The following RORA variants were observed in gnomAD, a reference collection of about 807,000 sequenced individuals.
The protein encoded by RORA is RAR related orphan receptor A, also known as nuclear receptor ROR-alpha.
Under a neutral mutation model 69.5 loss-of-function variants are expected in RORA, and 7 were observed. That is an observed-to-expected ratio of 0.10 (90% CI 0.06 to 0.19). The LOEUF (loss-of-function observed/expected upper bound fraction) is 0.19, where lower values mean the gene tolerates loss of function less well. Among genes scored for constraint, RORA ranks in the 10% least tolerant of loss-of-function variants. The pLI, the probability that RORA is intolerant of heterozygous loss-of-function variation, is 1.00. For missense variants in RORA, 457 were observed against 663.0 expected (o/e 0.69, Z 3.41); for synonymous variants, 261 against 240.8 (o/e 1.08, Z -0.78).
chr15:60,821,244 C>A (rs2072889412), intron 1 of RORA, among the ~76,000 whole-genome samples: 2 of 152,130 alleles, frequency 1.3e-5, no homozygotes, highest in African/African-American at 2.4e-5. Flanking sequence ...TTAGCCAACT[C>A]CCCCTTGCCA....
intron 1 of RORA, among the ~76,000 whole-genome samples, chr15:60,855,420 C>T (rs1421027885): frequency 1.3e-5 from 2 of 152,146 alleles, no homozygotes; most frequent in African/African-American, 2.4e-5. Flanking sequence ...GGAGACAAGA[C>T]CAGAGCAGTA....
chr15:60,924,521 G>C (rs1259558326), intron 1 of RORA, among the ~76,000 whole-genome samples: 1 of 151,296 alleles, frequency 6.6e-6, no homozygotes, highest in African/African-American at 2.4e-5. Flanking sequence ...TCATACTTCT[G>C]CTCATCCGAT....
At chr15:60,720,060 C>T (rs1863270) in intron 1 of RORA, among the ~76,000 whole-genome samples, 1 of 152,118 alleles carries the variant, frequency 6.6e-6, no homozygotes, top group South Asian at 2.1e-4. Context: ...TAGAAAGAGG[C>T]GGCATTTTGA....
chr15:61,187,517 G>T (rs915523878), intron 1 of RORA, among the ~76,000 whole-genome samples: 5 of 152,196 alleles, frequency 3.3e-5, no homozygotes, highest in Non-Finnish European at 7.3e-5. Flanking sequence ...TGGCGGTAGG[G>T]ATGGGAAGTG....
Position 60,938,096 on chromosome 15 carries a change from C to T in RORA, c.167-259410G>A, listed in dbSNP as rs575279787. ...GATAGGTTTTTCCAGCTTGTGTACA[C>T]AAGCTAATGTTGCCCTAAAGGGAGT... On this transcript the variant is annotated intron_variant, in intron 1 of 10. Transcript: ENST00000335670. Among the ~76,000 whole-genome samples the T allele has an allele frequency of 1.8e-4, 28 of 152,124 alleles. No homozygotes were observed. The South Asian group carries it at 4.6e-3, about 25-fold the overall frequency.
chr15:60,517,957 C>T (rs1166846524), intron 3 of RORA, among the ~76,000 whole-genome samples: 22 of 152,172 alleles, frequency 1.4e-4, no homozygotes, highest in Admixed American at 1.2e-3. Flanking sequence ...GCATCTGTCA[C>T]CTTTCTTTCT....
At chr15:60,641,401 C>T (rs756053611) in intron 2 of RORA, among the ~76,000 whole-genome samples, 9 of 152,066 alleles carry the variant, frequency 5.9e-5, no homozygotes, top group Non-Finnish European at 1.3e-4. Context: ...TTTGAAAAAT[C>T]TATGTCCTTT....
intron 1 of RORA, among the ~76,000 whole-genome samples, chr15:60,829,060 C>A: frequency 6.6e-6 from 1 of 152,098 alleles, no homozygotes; most frequent in Middle Eastern, 3.2e-3. Context: ...TGCCTTGGAG[C>A]CAGTGAGAGA....
chr15:60,513,490 T>C (rs1188657245), intron 4 of RORA, among the ~76,000 whole-genome samples: 2 of 152,216 alleles, frequency 1.3e-5, no homozygotes, highest in African/African-American at 4.8e-5. Flanking sequence ...GTAAGTGAAA[T>C]AAAGGGACCA....
chr15:61,058,838 A>C (rs1416974752), intron 1 of RORA, among the ~76,000 whole-genome samples: 1 of 152,220 alleles, frequency 6.6e-6, no homozygotes, highest in East Asian at 1.9e-4. Flanking sequence ...TTCTATGTTT[A>C]AGCATCCAAA....
intron 1 of RORA, among the ~76,000 whole-genome samples, chr15:61,201,864 GA>G (rs1304147767): frequency 1.3e-5 from 2 of 152,174 alleles, no homozygotes; most frequent in African/African-American, 4.8e-5. Flanking sequence ...TTAGAGGTAA[GA>G]TAATGGAAAA....
chr15:60,655,771 A>G (rs930083098), intron 2 of RORA, among the ~76,000 whole-genome samples: 2 of 152,158 alleles, frequency 1.3e-5, no homozygotes, highest in Non-Finnish European at 2.9e-5. Context: ...AGACACATGT[A>G]TTTGTCAACA....
At chr15:60,591,469 C>T (rs1250924870) in intron 2 of RORA, among the ~76,000 whole-genome samples, 1 of 152,238 alleles carries the variant, frequency 6.6e-6, no homozygotes, top group Non-Finnish European at 1.5e-5. Context: ...TCCTTCTCAC[C>T]TGAGAGGACC....
chr15:60,517,006 C>A (rs1235640572), intron 3 of RORA, among the ~76,000 whole-genome samples: 1 of 150,034 alleles, frequency 6.7e-6, no homozygotes, highest in Non-Finnish European at 1.5e-5. Flanking sequence ...AAAAAGGACA[C>A]CCATATATTT....
intron 1 of RORA, among the ~76,000 whole-genome samples, chr15:61,083,180 C>T (rs2078570642): frequency 6.6e-6 from 1 of 152,210 alleles, no homozygotes; most frequent in African/African-American, 2.4e-5. Flanking sequence ...CCACAGTAGG[C>T]AAGCAGGACT....
At chr15:60,522,673 G>A (rs965065953) in intron 3 of RORA, among the ~76,000 whole-genome samples, 3 of 151,762 alleles carry the variant, frequency 2.0e-5, no homozygotes, top group Non-Finnish European at 4.4e-5. Context: ...GGGAAGGTGA[G>A]GTGGGAAGAT....
chr15:61,154,134 T>A (rs969499041), intron 1 of RORA, among the ~76,000 whole-genome samples: 10 of 152,166 alleles, frequency 6.6e-5, no homozygotes, highest in Admixed American at 3.3e-4. Context: ...AGTTCACCCT[T>A]TAACCTCCCC....
intron 1 of RORA, among the ~76,000 whole-genome samples, chr15:60,758,924 G>A (rs1368466395): frequency 6.6e-6 from 1 of 152,174 alleles, no homozygotes; most frequent in East Asian, 1.9e-4. Context: ...CCATTTTACA[G>A]ACAAAGAAAC....
chr15:60,718,446 G>GA (rs1160994725), intron 1 of RORA, among the ~76,000 whole-genome samples: 2 of 152,048 alleles, frequency 1.3e-5, no homozygotes, highest in Non-Finnish European at 2.9e-5. Flanking sequence ...TCCGGTAAAT[G>GA]AAAAAACGTT....
Sources: allele counts gnomAD v4.1 joint callset (sites outside exome capture counted in the v4.1 genomes callset), GRCh38; gene constraint gnomAD v4.1.1; transcripts MANE v1.5; gene names NCBI Gene and HGNC (gene_info 2026-07-23, HGNC 2026-07-21).